The following SPATA6 variants were observed in gnomAD, a reference collection of about 807,000 sequenced individuals.
The protein encoded by SPATA6 is spermatogenesis associated 6.
In SPATA6, 56 loss-of-function variants were observed where a neutral mutation model predicts 65.3. The observed-to-expected ratio is 0.86, with a 90% CI of 0.69 to 1.07. SPATA6 has a LOEUF of 1.07. Among genes scored for constraint, SPATA6 ranks in the 50% least tolerant of loss-of-function variants. The probability of loss-of-function intolerance (pLI) is 0.00; values close to 1 mark genes in which losing one functional copy is unlikely to be tolerated. For missense variants in SPATA6, 590 were observed against 594.8 expected (o/e 0.99, Z 0.08); for synonymous variants, 199 against 213.2 (o/e 0.93, Z 0.58).
chr1:48,289,063 A>AC, the SPATA6 span, among the ~76,000 whole-genome samples: 3,748 of 152,276 alleles, frequency 0.025, 99 homozygotes, highest in African/African-American at 0.067. Flanking sequence ...TGGGTTCCTG[A>AC]CCCCGAGTAG....
intron 11 of SPATA6, 69 bp downstream of exon 11, chr1:48,355,601 T>C (rs1570269547): frequency 1.8e-6 from 2 of 1,107,322 alleles, no homozygotes; most frequent in East Asian, 5.1e-5. Context: ...TTTTGTAAGC[T>C]TTAGGCATCT....
At chr1:48,292,786 C>A (rs6684996), downstream of SPATA6, among the ~76,000 whole-genome samples, 2 of 152,144 alleles carry the variant, frequency 1.3e-5, no homozygotes, top group Admixed American at 1.3e-4. Context: ...ATGCACATGC[C>A]CATGAGAATT....
At chr1:48,456,355 C>T (rs2148170773) in intron 1 of SPATA6, among the ~76,000 whole-genome samples, 1 of 152,152 alleles carries the variant, frequency 6.6e-6, no homozygotes, top group South Asian at 2.1e-4. Context: ...ATTAAACAAA[C>T]AAAAAACAAT....
downstream of SPATA6, among the ~76,000 whole-genome samples, chr1:48,294,055 G>C (rs1176227438): frequency 1.3e-5 from 2 of 152,150 alleles, no homozygotes; most frequent in Non-Finnish European, 2.9e-5. Context: ...TTCGTACATT[G>C]AAACTGTAGC....
chr1:48,417,380 C>G (rs1302531834), intron 3 of SPATA6, among the ~76,000 whole-genome samples: 1 of 151,834 alleles, frequency 6.6e-6, no homozygotes, highest in Non-Finnish European at 1.5e-5. Context: ...GACTGCGACA[C>G]AGAAAAGTAT....
At chr1:48,437,488 C>G (rs1655045863) in intron 3 of SPATA6, among the ~76,000 whole-genome samples, 1 of 152,178 alleles carries the variant, frequency 6.6e-6, no homozygotes, top group African/African-American at 2.4e-5. Context: ...CTGTGACTAA[C>G]TCTTTTTATC....
the SPATA6 span, among the ~76,000 whole-genome samples, chr1:48,287,054 A>AAAAG: frequency 6.8e-6 from 1 of 147,988 alleles, no homozygotes; most frequent in African/African-American, 2.5e-5. Context: ...AAAAAAAAAA[A>AAAAG]GGGAGGTTTA....
At position 48,297,117 on chromosome 1, in the gene SPATA6, C is replaced by T. The variant is rs1489090556; in HGVS notation, c.*1596G>A. 4 of 131,794 alleles carry T rather than the reference C, an allele frequency of 3.0e-5. No homozygotes were observed. Among genetic ancestry groups the T allele is most frequent in the Non-Finnish European group, 6.5e-5 (4 of 61,898 alleles). 8.2% of individuals were successfully genotyped at this position (131,794 alleles called of 1,614,324 possible). A position where few individuals can be genotyped will look rare whatever the true frequency, so the allele number is the denominator to read the frequency against. ...TACCTCTATAATCCTACATATGACT[C>T]TCTAAGAGGTGTGTGTGTGTGTGTG... On this transcript the variant is annotated 3_prime_UTR_variant, in exon 13 of 13. Coordinates refer to ENST00000371847, the MANE Select transcript of SPATA6 (RefSeq NM_019073.4).
chr1:48,277,595 A>C, the SPATA6 span, among the ~76,000 whole-genome samples: 1 of 152,220 alleles, frequency 6.6e-6, no homozygotes, highest in African/African-American at 2.4e-5. Flanking sequence ...GCAGTGTGAG[A>C]TCAAACTGCA....
intron 11 of SPATA6, among the ~76,000 whole-genome samples, chr1:48,330,663 G>A (rs1187715672): frequency 6.6e-6 from 1 of 152,238 alleles, no homozygotes; most frequent in East Asian, 1.9e-4. Context: ...GCCTGAATGT[G>A]TTGAGGGGCA....
the SPATA6 span, among the ~76,000 whole-genome samples, chr1:48,274,859 T>A: frequency 6.6e-6 from 1 of 152,216 alleles, no homozygotes; most frequent in East Asian, 1.9e-4. Context: ...AAAGTAGTTT[T>A]TTCTAATTCT....
chr1:48,468,064 G>T (rs114035650), intron 1 of SPATA6, among the ~76,000 whole-genome samples: 2,183 of 152,184 alleles, frequency 0.014, 33 homozygotes, highest in Non-Finnish European at 0.025. Flanking sequence ...TCACTTCTGG[G>T]TATGTATCCA....
At chr1:48,409,774 C>T (rs1326650792) in intron 5 of SPATA6, among the ~76,000 whole-genome samples, 1 of 152,238 alleles carries the variant, frequency 6.6e-6, no homozygotes. Context: ...ACGACCCAAG[C>T]TCTATGTTAG....
At chr1:48,341,788 G>A (rs1456215605) in intron 11 of SPATA6, among the ~76,000 whole-genome samples, 1 of 152,176 alleles carries the variant, frequency 6.6e-6, no homozygotes, top group Non-Finnish European at 1.5e-5. Flanking sequence ...ATGGCATGGT[G>A]CATGGTAAGT....
chr1:48,435,784 C>T (rs1327093780), intron 3 of SPATA6, among the ~76,000 whole-genome samples: 2 of 152,172 alleles, frequency 1.3e-5, no homozygotes, highest in African/African-American at 4.8e-5. Context: ...GCACTCGCCT[C>T]GCCCCTCCGC....
chr1:48,443,522 T>C (rs1047235208), intron 3 of SPATA6, among the ~76,000 whole-genome samples: 1 of 152,156 alleles, frequency 6.6e-6, no homozygotes, highest in South Asian at 2.1e-4. Context: ...ATCTATCCAG[T>C]AAGGATACAA....
intron 11 of SPATA6, among the ~76,000 whole-genome samples, chr1:48,328,814 C>T (rs1645836692): frequency 6.6e-6 from 1 of 152,018 alleles, no homozygotes; most frequent in African/African-American, 2.4e-5. Context: ...TAATAAGTGA[C>T]ATTATTAGTT....
intron 3 of SPATA6, among the ~76,000 whole-genome samples, chr1:48,415,462 T>A (rs1652674217): frequency 6.6e-6 from 1 of 152,182 alleles, no homozygotes; most frequent in African/African-American, 2.4e-5. Flanking sequence ...AACTTGATTT[T>A]GATTCTGACA....
At chr1:48,367,620 C>T (rs1271870974) in intron 9 of SPATA6, among the ~76,000 whole-genome samples, 1 of 151,914 alleles carries the variant, frequency 6.6e-6, no homozygotes, top group African/African-American at 2.4e-5. Flanking sequence ...GATTGCAACC[C>T]CTGCCTTTTT....
Sources: gnomAD v4.1 joint callset for allele counts (sites outside exome capture counted in the v4.1 genomes callset) on GRCh38, gnomAD v4.1.1 for gene constraint, MANE v1.5 for transcripts, NCBI Gene and HGNC (gene_info 2026-07-23, HGNC 2026-07-21) for gene names.